The following CENPW variants were observed in gnomAD, a reference collection of about 807,000 sequenced individuals.
CENPW encodes cancer-up-regulated gene 2 protein.
In CENPW, 3 loss-of-function variants were observed where a neutral mutation model predicts 11.1. The observed-to-expected ratio is 0.27, with a 90% CI of 0.12 to 0.70. CENPW has a LOEUF of 0.70. Ranked by LOEUF, CENPW falls within the 30% of genes least tolerant of loss-of-function variation. CENPW has a pLI of 0.77. For missense variants in CENPW, 100 were observed against 105.6 expected (o/e 0.95, Z 0.23); for synonymous variants, 38 against 42.0 (o/e 0.91, Z 0.37).
the CENPW span, among the ~76,000 whole-genome samples, chr6:126,411,085 G>T: frequency 1.3e-5 from 2 of 152,058 alleles, no homozygotes; most frequent in African/African-American, 4.8e-5. Flanking sequence ...ATTGATGCCT[G>T]CATCAGGTGG....
downstream of CENPW, among the ~76,000 whole-genome samples, chr6:126,353,157 T>A (rs535765624): frequency 4.7e-4 from 72 of 151,902 alleles, no homozygotes; most frequent in African/African-American, 1.7e-3. Context: ...AGTGAATATT[T>A]ATATTATCAC....
chr6:126,465,022 C>T, the CENPW span, among the ~76,000 whole-genome samples: 580 of 151,356 alleles, frequency 3.8e-3, 5 homozygotes, highest in African/African-American at 0.014. Flanking sequence ...TACAATCAGG[C>T]GAGAAAAAGA....
At chr6:126,441,291 A>T in the CENPW span, among the ~76,000 whole-genome samples, 2 of 151,388 alleles carry the variant, frequency 1.3e-5, no homozygotes, top group African/African-American at 2.4e-5. Flanking sequence ...ACACTAGAAT[A>T]GCCTATAGAA....
At chr6:126,354,342 G>C in the CENPW span, among the ~76,000 whole-genome samples, 24 of 151,868 alleles carry the variant, frequency 1.6e-4, no homozygotes, top group African/African-American at 5.8e-4. Context: ...ATGTTTTTTT[G>C]CAGCCCTTCT....
At chr6:126,374,055 G>T in the CENPW span, among the ~76,000 whole-genome samples, 6 of 152,072 alleles carry the variant, frequency 3.9e-5, no homozygotes, top group African/African-American at 1.4e-4. Flanking sequence ...CTTTTTTCCT[G>T]AGTCATAAAG....
At chr6:126,367,385 GA>G in the CENPW span, among the ~76,000 whole-genome samples, 1 of 152,026 alleles carries the variant, frequency 6.6e-6, no homozygotes, top group Non-Finnish European at 1.5e-5. Flanking sequence ...AGTAATCACA[GA>G]GATGCAATGT....
chr6:126,483,245 T>C, the CENPW span, among the ~76,000 whole-genome samples: 10 of 151,900 alleles, frequency 6.6e-5, no homozygotes. Flanking sequence ...AGAAAATTTA[T>C]ATTTTTTTCT....
chr6:126,344,660 T>A (rs989758818), intron 1 of CENPW, among the ~76,000 whole-genome samples: 23 of 152,302 alleles, frequency 1.5e-4, no homozygotes, highest in African/African-American at 4.3e-4. Context: ...ATGAAGATAG[T>A]GCATCAAAAA....
chr6:126,462,077 GAT>G, the CENPW span, among the ~76,000 whole-genome samples: 1 of 151,954 alleles, frequency 6.6e-6, no homozygotes, highest in African/African-American at 2.4e-5. Context: ...TGAAAACATT[GAT>G]AGAGTGGATT....
chr6:126,443,307 A>G, the CENPW span, among the ~76,000 whole-genome samples: 1 of 151,176 alleles, frequency 6.6e-6, no homozygotes, highest in Non-Finnish European at 1.5e-5. Context: ...GAAACTGCGT[A>G]ATTTGTCCAG....
the CENPW span, among the ~76,000 whole-genome samples, chr6:126,383,283 A>T: frequency 1.3e-5 from 2 of 152,194 alleles, no homozygotes; most frequent in African/African-American, 2.4e-5. Flanking sequence ...AGTACTAAAT[A>T]TGAAAAGAAA....
the CENPW span, among the ~76,000 whole-genome samples, chr6:126,395,792 G>C: frequency 6.6e-6 from 1 of 152,210 alleles, no homozygotes; most frequent in Non-Finnish European, 1.5e-5. Context: ...GACTCATAGA[G>C]GTATCACCTT....
chr6:126,457,433 C>G, the CENPW span, among the ~76,000 whole-genome samples: 6 of 151,358 alleles, frequency 4.0e-5, no homozygotes, highest in East Asian at 1.9e-4. Context: ...AACTGGAGGC[C>G]ATTATCCTAA....
At chr6:126,431,871 C>A in the CENPW span, among the ~76,000 whole-genome samples, 1 of 151,776 alleles carries the variant, frequency 6.6e-6, no homozygotes, top group Admixed American at 6.6e-5. Flanking sequence ...TCAAGACCAG[C>A]CTGGCCAACA....
At chr6:126,365,096 A>G in the CENPW span, among the ~76,000 whole-genome samples, 2 of 152,192 alleles carry the variant, frequency 1.3e-5, no homozygotes, top group East Asian at 1.9e-4. Flanking sequence ...ATGTGAAATG[A>G]CTTAGTATTT....
At chr6:126,379,987 T>G in the CENPW span, among the ~76,000 whole-genome samples, 3 of 152,200 alleles carry the variant, frequency 2.0e-5, no homozygotes, top group Admixed American at 1.3e-4. Context: ...GTTTGGCAGC[T>G]GATAAATTGA....
chr6:126,343,917 G>A (rs1780360076), intron 1 of CENPW, among the ~76,000 whole-genome samples: 1 of 152,136 alleles, frequency 6.6e-6, no homozygotes, highest in African/African-American at 2.4e-5. Context: ...TTGACACTCA[G>A]TACTAACCAT....
the CENPW span, among the ~76,000 whole-genome samples, chr6:126,409,005 G>T: frequency 6.6e-6 from 1 of 151,588 alleles, no homozygotes; most frequent in Non-Finnish European, 1.5e-5. Context: ...GCTTTGGCTT[G>T]TTTTTGCTTT....
At chr6:126,453,063 A>C in the CENPW span, among the ~76,000 whole-genome samples, 2 of 151,200 alleles carry the variant, frequency 1.3e-5, no homozygotes, top group African/African-American at 4.8e-5. Context: ...ATATGAAATT[A>C]CAGTAAAATA....
Sources: allele counts gnomAD v4.1 joint callset (sites outside exome capture counted in the v4.1 genomes callset), GRCh38; gene constraint gnomAD v4.1.1; transcripts MANE v1.5; gene names NCBI Gene and HGNC (gene_info 2026-07-23, HGNC 2026-07-21).